Variants in STK24 observed in about 807,000 individuals in gnomAD.
STK24 encodes serine/threonine kinase 24.
Under a neutral mutation model 55.6 loss-of-function variants are expected in STK24, and 21 were observed. The ratio of observed to expected loss-of-function variants is 0.38; its 90% CI spans 0.27 to 0.54. STK24 has a LOEUF of 0.54. STK24 is among the 20% of genes least tolerant of loss of function. The pLI, the probability that STK24 is intolerant of heterozygous loss-of-function variation, is 0.79. For synonymous variants in STK24, 200 were observed against 215.2 expected, an observed-to-expected ratio of 0.93 and a Z score of 0.62; for missense variants, 383 against 538.4, an observed-to-expected ratio of 0.71 and a Z score of 2.86.
In STK24 at chr13:98,457,277, C is replaced by A; in HGVS notation, c.1150G>T (p.Gly384Trp). Residue 384 changes from glycine to tryptophan, a missense_variant, in exon 10 of 11, where the codon GGG becomes TGG. By Grantham distance (184) the Gly-to-Trp change is radical. Transcript: ENST00000539966. ...AGCTCTTCAATGGACCCCAAGTTCC[C>A]TCCGCACGCCTGGCTCTTCTCCTTC... The part of the protein sequence containing the change: ...ELKEKSQACG[G>W]NLGSIEELRG... 1 of 1,613,980 alleles carries A rather than the reference C, an allele frequency of 6.2e-7. No individual in the cohort carries two copies. The highest frequency in any genetic ancestry group is 1.7e-4 in the Middle Eastern group (1 of 5,964).
At chr13:98,522,030 A>G in intron 1 of STK24, 1 of 1,421,030 alleles carries the variant, frequency 7.0e-7, no homozygotes. Context: ...CTTCCTCTGG[A>G]GTCCCTTCAA....
chr13:98,570,564 C>A (rs572625753), intron 1 of STK24, among the ~76,000 whole-genome samples: 184 of 152,280 alleles, frequency 1.2e-3, no homozygotes, highest in African/African-American at 4.4e-3. Flanking sequence ...GAAAAGGTTT[C>A]TTTTGCTGAC....
intron 1 of STK24, among the ~76,000 whole-genome samples, chr13:98,567,215 C>T (rs1897604470): frequency 6.6e-6 from 1 of 152,260 alleles, no homozygotes; most frequent in African/African-American, 2.4e-5. Context: ...AGCGCGCAGA[C>T]ACCACTGACT....
intron 2 of STK24, among the ~76,000 whole-genome samples, chr13:98,483,805 T>C (rs1231701343): frequency 6.6e-6 from 1 of 152,198 alleles, no homozygotes; most frequent in East Asian, 1.9e-4. Context: ...GTGTTGACTC[T>C]AGGGAGGCGC....
intron 1 of STK24, among the ~76,000 whole-genome samples, chr13:98,570,495 T>A (rs945849205): frequency 6.6e-6 from 1 of 152,192 alleles, no homozygotes; most frequent in African/African-American, 2.4e-5. Flanking sequence ...TTGGTAAGCA[T>A]TAATTTAAAA....
At chr13:98,469,241 A>T (rs1894043478) in intron 5 of STK24, among the ~76,000 whole-genome samples, 1 of 152,202 alleles carries the variant, frequency 6.6e-6, no homozygotes, top group Admixed American at 6.5e-5. Flanking sequence ...GGCAGCCAGT[A>T]CAGCACCATC....
Position 98,448,114 on chromosome 13 carries a change from G to A in STK24, c.*5059C>T. 1 of 787,946 alleles carries A rather than the reference G, an allele frequency of 1.3e-6. No individual in the cohort carries two copies. The highest frequency in any genetic ancestry group is 2.2e-6 in the Non-Finnish European group (1 of 452,018). The allele number at this position is 787,946 out of a possible 1,614,324, so 48.8% of individuals were successfully genotyped here. A position where few individuals can be genotyped will look rare whatever the true frequency, so the allele number is the denominator to read the frequency against. ...CTGGCTGTTCCCTTGCTCTTCTGCT[G>A]AAGTGGCAGATTACCAACCAGGCGG... is the stretch of plus-strand genomic sequence containing the variant. On this transcript the variant is annotated 3_prime_UTR_variant, in exon 11 of 11. Coordinates refer to ENST00000539966, the MANE Select transcript of STK24 (RefSeq NM_001032296.4).
intron 2 of STK24, among the ~76,000 whole-genome samples, chr13:98,490,092 G>C (rs1336610050): frequency 6.6e-6 from 1 of 152,144 alleles, no homozygotes; most frequent in Non-Finnish European, 1.5e-5. Flanking sequence ...AGCTCTGCCA[G>C]GACAAACAGC....
chr13:98,559,002 T>TAA (rs60756124), intron 1 of STK24, among the ~76,000 whole-genome samples: 64 of 43,030 alleles, frequency 1.5e-3, no homozygotes, highest in South Asian at 4.1e-3. Context: ...CTGTCTCTAC[T>TAA]AAAAAAAAAA....
At position 98,448,189 on chromosome 13, in the gene STK24, AGTCC is replaced by A; in HGVS notation, c.*4980_*4983del. 1 of 1,498,460 alleles carries A rather than the reference AGTCC, an allele frequency of 6.7e-7. No individual in the cohort carries two copies. The highest frequency in any genetic ancestry group is 9.3e-7 in the Non-Finnish European group (1 of 1,075,262). The allele number at this position is 1,498,460 out of a possible 1,614,324, so 92.8% of individuals were successfully genotyped here. On this transcript the variant is annotated 3_prime_UTR_variant, in exon 11 of 11. Transcript: ENST00000539966. The stretch of plus-strand genomic sequence containing the variant: ...AAGCGATGCCCACCAAAGTGTCAGG[AGTCC>A]GTCCAAACAAAAGGTTGACTAACTG...
chr13:98,464,434 T>C, intron 6 of STK24, among the ~76,000 whole-genome samples: 1 of 149,822 alleles, frequency 6.7e-6, no homozygotes, highest in African/African-American at 2.4e-5. Flanking sequence ...AAAGCTTATC[T>C]CCTAGTTTAT....
At chr13:98,528,136 G>A (rs191392141) in intron 1 of STK24, among the ~76,000 whole-genome samples, 15 of 152,302 alleles carry the variant, frequency 9.8e-5, no homozygotes, top group Admixed American at 3.3e-4. Context: ...GGCCCAGGGC[G>A]GGAGGTCCAG....
Position 98,463,681 on chromosome 13 carries a change from G to A in STK24, c.929+10C>T, listed in dbSNP as rs1334804990. The A allele has an allele frequency of 6.2e-7, 1 of 1,612,470 alleles. No individual in the cohort carries two copies. The highest frequency in any genetic ancestry group is 1.7e-5 in the Admixed American group (1 of 59,896). On this transcript the variant is annotated intron_variant, in intron 7 of 10. Transcript: ENST00000539966. ...ACACACATGCTTGGGTCACTCAGGGGCCGACTTACGCGTCGGAATCCTCGG... is the reference window on the plus strand; with the variant it reads ...ACACACATGCTTGGGTCACTCAGGGACCGACTTACGCGTCGGAATCCTCGG...
intron 7 of STK24, among the ~76,000 whole-genome samples, chr13:98,462,817 G>T (rs1893766447): frequency 6.6e-6 from 1 of 152,054 alleles, no homozygotes; most frequent in Non-Finnish European, 1.5e-5. Context: ...CACAACACCT[G>T]GTGCCACGCT....
intron 1 of STK24, among the ~76,000 whole-genome samples, chr13:98,528,613 C>A (rs1896497664): frequency 6.6e-6 from 1 of 152,166 alleles, no homozygotes; most frequent in African/African-American, 2.4e-5. Context: ...TAAAATTGTT[C>A]TATGATGACT....
intron 2 of STK24, among the ~76,000 whole-genome samples, chr13:98,514,605 C>T (rs563234493): frequency 1.3e-4 from 20 of 152,232 alleles, no homozygotes; most frequent in African/African-American, 1.4e-4. Flanking sequence ...GATCTGAATC[C>T]GCAATGAGAC....
At chr13:98,471,545 G>A (rs960426505) in intron 5 of STK24, among the ~76,000 whole-genome samples, 42 of 152,154 alleles carry the variant, frequency 2.8e-4, no homozygotes, top group Non-Finnish European at 3.1e-4. Context: ...TAAAACAGTA[G>A]TAGTGAAGGT....
At chr13:98,515,894 G>A (rs769115528) in intron 2 of STK24, among the ~76,000 whole-genome samples, 2 of 152,166 alleles carry the variant, frequency 1.3e-5, no homozygotes, top group African/African-American at 4.8e-5. Context: ...AAAGAACTAA[G>A]AACAGTAGCT....
intron 1 of STK24, among the ~76,000 whole-genome samples, chr13:98,547,665 C>T (rs1897060441): frequency 6.6e-6 from 1 of 152,202 alleles, no homozygotes; most frequent in South Asian, 2.1e-4. Flanking sequence ...AATGACACGC[C>T]ATGGGCTGGG....
Sources: gnomAD v4.1 joint callset for allele counts (sites outside exome capture counted in the v4.1 genomes callset) on GRCh38, gnomAD v4.1.1 for gene constraint, MANE v1.5 for transcripts, NCBI Gene and HGNC (gene_info 2026-07-23, HGNC 2026-07-21) for gene names.